LUZP4: variants seen among roughly 807,000 people sequenced by gnomAD.
LUZP4 encodes leucine zipper protein 4.
In LUZP4, 11 loss-of-function variants were observed where a neutral mutation model predicts 8.5. The observed-to-expected ratio is 1.30, with a 90% CI of 0.82 to 2.14. LUZP4 has a LOEUF of 2.14. LUZP4 is among the 30% of genes most tolerant of loss of function. LUZP4 has a pLI of 0.00. For missense variants in LUZP4, 276 were observed against 229.7 expected, an observed-to-expected ratio of 1.20 and a Z score of -1.30; for synonymous variants, 104 against 79.4, an observed-to-expected ratio of 1.31 and a Z score of -1.65.
chrX:115,292,734 T>G (rs1026437735), intron 1 of LUZP4, among the ~76,000 whole-genome samples: 20 of 111,552 alleles, frequency 1.8e-4, no homozygotes, highest in African/African-American at 6.5e-4. Context: ...TTTTCACCAT[T>G]AATCATCATT....
intron 1 of LUZP4, among the ~76,000 whole-genome samples, chrX:115,299,835 A>G (rs782777943): frequency 8.9e-6 from 1 of 111,748 alleles, no homozygotes; most frequent in African/African-American, 3.3e-5. Context: ...GTCTCATCCA[A>G]GGCTCTCAAC....
chrX:115,300,790 G>A (rs1037988695), intron 1 of LUZP4, among the ~76,000 whole-genome samples: 1 of 22,608 alleles, frequency 4.4e-5, no homozygotes, highest in Non-Finnish European at 1.1e-4. Context: ...CATTGCTGCC[G>A]GGAGTTGGGG....
Position 115,299,064 on chromosome X carries a change from G to C in LUZP4, c.92-2928G>C, listed in dbSNP as rs181589409. 6.4e-3 allele frequency among the ~76,000 whole-genome samples: 716 copies of C among 111,718 alleles called. 4 individuals carry two copies. The highest frequency in any genetic ancestry group is 9.8e-3 in the Non-Finnish European group (522 of 53,149). ...TGCAAACTCATAGAGGTACCGCCTT[G>C]ATGGTTTTGGACAGGATCTGGGAGA... On this transcript the variant is annotated intron_variant, in intron 1 of 3. Coordinates refer to ENST00000371920, the MANE Select transcript of LUZP4 (RefSeq NM_016383.5).
At chrX:115,292,968 T>G (rs1556597448) in intron 1 of LUZP4, among the ~76,000 whole-genome samples, 1 of 111,153 alleles carries the variant, frequency 9.0e-6, no homozygotes, top group Non-Finnish European at 1.9e-5. Flanking sequence ...TACCCCAACT[T>G]CATCACAAGT....
rs781872800 is a variant in LUZP4, at chrX:115,306,349, C to G, written c.487C>G (p.Arg163Gly). The change falls in exon 4 of 4, where the codon CGA (arginine) becomes GGA (glycine). Residue 163 changes from arginine (R) to glycine (G), a missense_variant. Arg to Gly is a moderately radical substitution (Grantham distance 125, BLOSUM62 -2). Coordinates refer to ENST00000371920, the MANE Select transcript of LUZP4 (RefSeq NM_016383.5). Reference sequence around the variant, plus strand: ...AGAAAATCATCATTCTGAGCGATCCCGAAACCACTTAGAGAGATCTCTTTC... The same window carrying G: ...AGAAAATCATCATTCTGAGCGATCCGGAAACCACTTAGAGAGATCTCTTTC... ...PEENHHSERS[R>G]NHLERSLSQS... is the part of the protein sequence containing the mutation. The G allele has an allele frequency of 1.5e-5, 18 of 1,209,099 alleles. No homozygotes were observed. The highest frequency in any genetic ancestry group is 2.0e-5 in the Non-Finnish European group (18 of 895,080).
chrX:115,291,421 G>A (rs918072861), intron 1 of LUZP4, among the ~76,000 whole-genome samples: 2 of 111,327 alleles, frequency 1.8e-5, no homozygotes, highest in African/African-American at 3.3e-5. Context: ...AGAAATGAGA[G>A]GGGGAGAGGC....
At chrX:115,304,183 C>T (rs2073410112) in intron 3 of LUZP4, among the ~76,000 whole-genome samples, 1 of 112,345 alleles carries the variant, frequency 8.9e-6, no homozygotes, top group African/African-American at 3.2e-5. Flanking sequence ...TATGCAGGCA[C>T]TATGATACCA....
intron 1 of LUZP4, among the ~76,000 whole-genome samples, chrX:115,300,236 G>A (rs1336958876): frequency 9.0e-6 from 1 of 111,560 alleles, no homozygotes; most frequent in African/African-American, 3.3e-5. Flanking sequence ...TCCACACTCT[G>A]TTGGCCCAGT....
At chrX:115,293,783 T>C (rs2073358722) in intron 1 of LUZP4, among the ~76,000 whole-genome samples, 1 of 108,767 alleles carries the variant, frequency 9.2e-6, no homozygotes, top group Non-Finnish European at 1.9e-5. Context: ...AAATCCTGTC[T>C]CTCCTAAAAA....
chrX:115,306,504 C>T lies in LUZP4; in HGVS notation c.642C>T (p.His214=), dbSNP rs1247428302. The T allele has an allele frequency of 1.7e-6, 2 of 1,210,128 alleles. No homozygotes were observed. Among genetic ancestry groups the T allele is most frequent in the African/African-American group, 3.5e-5 (2 of 57,458 alleles). Residue 214 remains histidine, a synonymous_variant, in exon 4 of 4, where the codon CAC becomes CAT. Coordinates refer to ENST00000371920, the MANE Select transcript of LUZP4 (RefSeq NM_016383.5). ...SHGHSERSHG[H]SERSHGHSER... ...GCCACTCAGAGAGATCTCATGGTCA[C>T]TCAGAGAGATCTCATGGTCACTCAG...
intron 1 of LUZP4, among the ~76,000 whole-genome samples, chrX:115,301,661 A>G: frequency 8.9e-6 from 1 of 112,168 alleles, no homozygotes; most frequent in Admixed American, 9.4e-5. Flanking sequence ...CTTGCTCTAT[A>G]TTTCTATGAC....
rs1556595850 is a variant in LUZP4 at position 115,289,819 on chromosome X, G to C, written c.60G>C (p.Arg20=). 2 of 1,208,191 alleles carry C rather than the reference G, an allele frequency of 1.7e-6. No homozygotes were observed. Among genetic ancestry groups the C allele is most frequent in the Non-Finnish European group, 2.2e-6 (2 of 892,712 alleles). Residue 20 remains arginine (R), a synonymous_variant, in exon 1 of 4, where the codon CGG becomes CGC. Transcript: ENST00000371920. The stretch of plus-strand genomic sequence containing the variant: ...AAGTGCCGCCAAATCATCCCAGTCG[G>C]AAAAAGGTTAACTTCCTAGATATGT... The part of the protein sequence containing the change: ...SEKVPPNHPS[R]KKVNFLDMSL...
intron 1 of LUZP4, among the ~76,000 whole-genome samples, chrX:115,300,391 C>T (rs2073391181): frequency 8.9e-6 from 1 of 112,151 alleles, no homozygotes; most frequent in Non-Finnish European, 1.9e-5. Context: ...AGCTGATGAG[C>T]TAAAAAAAAT....
intron 1 of LUZP4, among the ~76,000 whole-genome samples, chrX:115,297,979 A>C (rs1415016784): frequency 9.3e-6 from 1 of 107,916 alleles, no homozygotes; most frequent in Non-Finnish European, 1.9e-5. Flanking sequence ...ATGCTCAGCT[A>C]ATTTTTGTAT....
At chrX:115,291,828 A>G (rs2073350399) in intron 1 of LUZP4, among the ~76,000 whole-genome samples, 1 of 111,020 alleles carries the variant, frequency 9.0e-6, no homozygotes, top group Non-Finnish European at 1.9e-5. Context: ...AGGCTGAGGC[A>G]GGAGAATTGC....
chrX:115,296,464 T>C lies in LUZP4; in HGVS notation c.92-5528T>C, dbSNP rs142569538. On this transcript the variant is annotated intron_variant, in intron 1 of 3. Coordinates refer to ENST00000371920, the MANE Select transcript of LUZP4 (RefSeq NM_016383.5). ...GAGAATATCATTACAGAGAGCAGAA[T>C]GAACAAAGCCCCGTGTCTCTGTAAT... Among the ~76,000 whole-genome samples, 1,023 of 111,550 alleles carry C rather than the reference T, an allele frequency of 9.2e-3. 12 individuals carry two copies. The highest frequency in any genetic ancestry group is 0.032 in the African/African-American group (984 of 30,655).
At chrX:115,295,231 A>T (rs1218108718) in intron 1 of LUZP4, among the ~76,000 whole-genome samples, 2 of 111,055 alleles carry the variant, frequency 1.8e-5, no homozygotes, top group Admixed American at 9.6e-5. Context: ...GTGCACCACC[A>T]CACCTGGCTC....
Position 115,295,698 on chromosome X carries a change from TA to T in LUZP4, c.91+5852del, listed in dbSNP as rs782382552. Among the ~76,000 whole-genome samples, 830 of 106,072 alleles carry T rather than the reference TA, an allele frequency of 7.8e-3. 6 individuals carry two copies. The highest frequency in any genetic ancestry group is 0.021 in the African/African-American group (616 of 29,544). 92.1% of individuals were successfully genotyped at this position (106,072 alleles called of 115,157 possible). On this transcript the variant is annotated intron_variant, in intron 1 of 3. Coordinates refer to ENST00000371920, the MANE Select transcript of LUZP4 (RefSeq NM_016383.5). Reference sequence around the variant, plus strand: ...AAAGTATTAGAGTCCTTTTTTTTTTTAAAACAAATAAAAGGCAAAAATAAGA... The same window carrying T: ...AAAGTATTAGAGTCCTTTTTTTTTTTAAACAAATAAAAGGCAAAAATAAGA...
Position 115,306,972 on chromosome X carries a change from A to C in LUZP4, c.*168A>C, listed in dbSNP as rs1392572988. The C allele has an allele frequency of 2.0e-6, 1 of 506,106 alleles. No individual in the cohort carries two copies. Among genetic ancestry groups the C allele is most frequent in the African/African-American group, 2.4e-5 (1 of 41,861 alleles). 41.7% of individuals were successfully genotyped at this position (506,106 alleles called of 1,213,427 possible). A position where few individuals can be genotyped will look rare whatever the true frequency, so the allele number is the denominator to read the frequency against. The stretch of plus-strand genomic sequence containing the variant: ...TATTGTTTCAACTTGATGTCCTCTA[A>C]GCTATCATCCAGTTACCCAGGATGT... On this transcript the variant is annotated 3_prime_UTR_variant, in exon 4 of 4. Transcript: ENST00000371920.
Sources: gnomAD v4.1 joint callset for allele counts (sites outside exome capture counted in the v4.1 genomes callset) on GRCh38, gnomAD v4.1.1 for gene constraint, MANE v1.5 for transcripts, NCBI Gene and HGNC (gene_info 2026-07-23, HGNC 2026-07-21) for gene names.